The following FHL2 variants were observed in gnomAD, a reference collection of about 807,000 sequenced individuals.
FHL2 encodes the protein four and a half LIM domains 2.
Under a neutral mutation model 32.7 loss-of-function variants are expected in FHL2, and 20 were observed. The ratio of observed to expected loss-of-function variants is 0.61; its 90% confidence interval spans 0.43 to 0.89. The LOEUF is 0.89. FHL2 is among the 40% of genes least tolerant of loss of function. The pLI, the probability that FHL2 is intolerant of heterozygous loss-of-function variation, is 0.00. For synonymous variants in FHL2, 123 were observed against 128.1 expected, an observed-to-expected ratio of 0.96 and a Z score of 0.27; for missense variants, 311 against 358.6, an observed-to-expected ratio of 0.87 and a Z score of 1.07.
chr2:105,430,994 CT>C lies in FHL2; in HGVS notation c.-25+7404del, dbSNP rs1190904624. On this transcript the variant is annotated intron_variant, in intron 1 of 5. Transcript: ENST00000393352. ...TTTTCTCTTTGATCTTTGGGTCTTC[CT>C]TTCTCAAGCCTCCCATATCACGAAA... 2.6e-5 allele frequency among the ~76,000 whole-genome samples: 4 copies of C among 152,298 alleles called. No individual in the cohort carries two copies. The East Asian group carries it at 7.7e-4, about 29-fold the overall frequency.
chr2:105,415,987 C>T (rs1377298999), intron 1 of FHL2, among the ~76,000 whole-genome samples: 1 of 152,162 alleles, frequency 6.6e-6, no homozygotes, highest in Non-Finnish European at 1.5e-5. Flanking sequence ...CATATTCAAT[C>T]AATTTCAAGT....
intron 1 of FHL2, among the ~76,000 whole-genome samples, chr2:105,424,573 C>T (rs546616982): frequency 2.6e-4 from 40 of 152,326 alleles, no homozygotes; most frequent in African/African-American, 8.4e-4. Context: ...AAGATACATG[C>T]ACACATATGT....
chr2:105,368,210 C>T (rs540898904), intron 4 of FHL2, among the ~76,000 whole-genome samples: 1 of 152,186 alleles, frequency 6.6e-6, no homozygotes, highest in Non-Finnish European at 1.5e-5. Flanking sequence ...CCTGGAACCT[C>T]GAACCTGATT....
chr2:105,404,928 G>C (rs769611197), intron 1 of FHL2, among the ~76,000 whole-genome samples: 1 of 152,106 alleles, frequency 6.6e-6, no homozygotes, highest in Non-Finnish European at 1.5e-5. Flanking sequence ...CCATGATTCC[G>C]AGTTTCCCAT....
chr2:105,426,094 C>T (rs1282073905), intron 1 of FHL2, among the ~76,000 whole-genome samples: 2 of 152,154 alleles, frequency 1.3e-5, no homozygotes, highest in African/African-American at 2.4e-5. Flanking sequence ...GCTTCCTCTT[C>T]GGCAATGTAA....
chr2:105,367,870 C>T (rs1680748711), intron 4 of FHL2, 131 bp from the exon 5 acceptor site: 2 of 842,022 alleles, frequency 2.4e-6, no homozygotes, highest in Non-Finnish European at 1.8e-6. Flanking sequence ...CTTGAAGGCT[C>T]GCCTCTACAT....
intron 1 of FHL2, among the ~76,000 whole-genome samples, chr2:105,437,731 T>C (rs1684655799): frequency 6.6e-6 from 1 of 152,202 alleles, no homozygotes; most frequent in African/African-American, 2.4e-5. Context: ...CTATCAATAT[T>C]GAGATTATTA....
At chr2:105,413,519 G>A (rs1027915928) in intron 1 of FHL2, among the ~76,000 whole-genome samples, 1 of 152,116 alleles carries the variant, frequency 6.6e-6, no homozygotes, top group Non-Finnish European at 1.5e-5. Context: ...GGTTACCCGG[G>A]CTGGAGTACA....
At chr2:105,418,429 A>G (rs1051505201) in intron 1 of FHL2, among the ~76,000 whole-genome samples, 7 of 122,634 alleles carry the variant, frequency 5.7e-5, no homozygotes, top group Non-Finnish European at 1.1e-4. Context: ...AAACAACATC[A>G]ACAAAAAAAA....
chr2:105,371,926 G>A (rs988716236), intron 4 of FHL2, among the ~76,000 whole-genome samples: 1 of 152,064 alleles, frequency 6.6e-6, no homozygotes, highest in Non-Finnish European at 1.5e-5. Context: ...TTGCACTGTC[G>A]CACAGCACTG....
chr2:105,373,476 T>C, intron 4 of FHL2, 83 bp downstream of exon 4: 1 of 1,474,272 alleles, frequency 6.8e-7, no homozygotes, highest in Non-Finnish European at 9.4e-7. Flanking sequence ...TGGAACCAAG[T>C]CAATGTGAAC....
intron 1 of FHL2, among the ~76,000 whole-genome samples, chr2:105,437,045 G>A (rs7583581): frequency 0.023 from 3,538 of 152,272 alleles, 59 homozygotes; most frequent in Non-Finnish European, 0.036. Context: ...GAAATCAATG[G>A]AGAACTCTGG....
chr2:105,381,900 A>G (rs923987105), intron 3 of FHL2, among the ~76,000 whole-genome samples: 1 of 152,160 alleles, frequency 6.6e-6, no homozygotes, highest in Non-Finnish European at 1.5e-5. Flanking sequence ...GTCCAGAAAG[A>G]CCAGCGAGGG....
Position 105,419,992 on chromosome 2 carries a change from G to A in FHL2, c.-25+18407C>T, listed in dbSNP as rs190239591. 1.3e-4 allele frequency among the ~76,000 whole-genome samples: 20 copies of A among 152,300 alleles called. No homozygotes were observed. The East Asian group carries it at 1.4e-3, about 10-fold the overall frequency. ...GGTGGGAGGGGATGCATTGGCCAAG[G>A]TCTCAAGAGGAGAAGTGACTGCTTG... On this transcript the variant is annotated intron_variant, in intron 1 of 5. Coordinates refer to the FHL2 transcript ENST00000393352.
At chr2:105,359,675 C>T (rs921932557), downstream of FHL2, 1 of 152,228 alleles carries the variant, frequency 6.6e-6, no homozygotes, top group Non-Finnish European at 1.5e-5. Context: ...ACTACTGCCA[C>T]ACTAGTAGCT....
intron 4 of FHL2, among the ~76,000 whole-genome samples, chr2:105,368,352 G>C (rs1217023152): frequency 6.6e-6 from 1 of 151,848 alleles, no homozygotes; most frequent in Admixed American, 6.6e-5. Context: ...TTGTTTTCGA[G>C]ACAGGGTCTC....
At position 105,422,646 on chromosome 2, in the gene FHL2, C is replaced by CAA. The variant is rs10715306; in HGVS notation, c.-25+15751_-25+15752dup. ...TGTGACAGATGTGATTCATCTCTGG[C>CAA]AAAAAAAAAAAAAAAAAAATGCTCC... On this transcript the variant is annotated intron_variant, in intron 1 of 5. Coordinates refer to the FHL2 transcript ENST00000393352. 4.9e-3 allele frequency among the ~76,000 whole-genome samples: 561 copies of CAA among 113,942 alleles called. 10 individuals are homozygous for CAA. Among genetic ancestry groups the CAA allele is most frequent in the African/African-American group, 0.017 (529 of 31,950 alleles). 74.8% of individuals were successfully genotyped at this position (113,942 alleles called of 152,430 possible). A position where few individuals can be genotyped will look rare whatever the true frequency, so the allele number is the denominator to read the frequency against.
chr2:105,409,009 G>A (rs1440853223), intron 1 of FHL2, among the ~76,000 whole-genome samples: 12 of 152,192 alleles, frequency 7.9e-5, no homozygotes, highest in Non-Finnish European at 1.8e-4. Context: ...CTCTGTGGGT[G>A]CAAGAAAGCA....
At chr2:105,385,720 T>A (rs1406476308) in intron 3 of FHL2, among the ~76,000 whole-genome samples, 1 of 152,186 alleles carries the variant, frequency 6.6e-6, no homozygotes, top group Non-Finnish European at 1.5e-5. Flanking sequence ...AAGAGTCTGC[T>A]GAGAAGCGCA....
Sources: gnomAD v4.1 joint callset for allele counts (sites outside exome capture counted in the v4.1 genomes callset) on GRCh38, gnomAD v4.1.1 for gene constraint, MANE v1.5 for transcripts, NCBI Gene and HGNC (gene_info 2026-07-23, HGNC 2026-07-21) for gene names.